Variants in TBC1D22A observed in about 807,000 individuals in gnomAD.
TBC1D22A encodes TBC1 domain family member 22A.
A neutral mutation model predicts 60.2 loss-of-function variants in TBC1D22A; 38 were observed. The ratio of observed to expected loss-of-function variants is 0.63; its 90% CI spans 0.49 to 0.83. The LOEUF is 0.83. Among genes scored for constraint, TBC1D22A ranks in the 40% least tolerant of loss-of-function variants. The pLI is 0.00. For missense variants in TBC1D22A, 628 were observed against 701.0 expected, an observed-to-expected ratio of 0.90 and a Z score of 1.18; for synonymous variants, 302 against 281.7, an observed-to-expected ratio of 1.07 and a Z score of -0.72.
At chr22:47,037,342 A>G in intron 11 of TBC1D22A, 144 bp downstream of exon 11, 1 of 1,248,952 alleles carries the variant, frequency 8.0e-7, no homozygotes, top group African/African-American at 1.5e-5. Context: ...TAAAAAGTAT[A>G]CTCCTGGCCG....
chr22:46,925,472 T>G (rs1199199467), intron 8 of TBC1D22A, among the ~76,000 whole-genome samples: 1 of 152,236 alleles, frequency 6.6e-6, no homozygotes, highest in Admixed American at 6.5e-5. Flanking sequence ...TTTTTCTAGT[T>G]AAAAACATTT....
intron 10 of TBC1D22A, among the ~76,000 whole-genome samples, chr22:47,030,132 A>G (rs1466354370): frequency 6.6e-6 from 1 of 152,276 alleles, no homozygotes; most frequent in East Asian, 1.9e-4. Flanking sequence ...TGTTCTTTTT[A>G]TCTTTTTAAC....
At chr22:47,124,550 C>G (rs1052873882) in intron 12 of TBC1D22A, among the ~76,000 whole-genome samples, 1 of 152,222 alleles carries the variant, frequency 6.6e-6, no homozygotes, top group East Asian at 1.9e-4. Context: ...TGCCTCTGTG[C>G]ACGTCATTTT....
intron 8 of TBC1D22A, among the ~76,000 whole-genome samples, chr22:46,965,348 C>T (rs136100): frequency 0.19 from 28,708 of 152,172 alleles, 2,912 homozygotes; most frequent in East Asian, 0.27. Context: ...GTCTTGTTGC[C>T]GACTCCCCTG....
At chr22:46,850,946 A>G (rs2087244500) in intron 4 of TBC1D22A, among the ~76,000 whole-genome samples, 2 of 152,332 alleles carry the variant, frequency 1.3e-5, no homozygotes, top group Admixed American at 1.3e-4. Flanking sequence ...TATGACTCCT[A>G]TTTATATGAA....
At chr22:46,821,295 T>C (rs1309216135) in intron 4 of TBC1D22A, among the ~76,000 whole-genome samples, 1 of 152,212 alleles carries the variant, frequency 6.6e-6, no homozygotes, top group African/African-American at 2.4e-5. Context: ...TATCTGGTTA[T>C]TTTGCACACT....
At chr22:46,904,950 ATTTT>A (rs1428000175) in intron 7 of TBC1D22A, among the ~76,000 whole-genome samples, 1 of 149,732 alleles carries the variant, frequency 6.7e-6, no homozygotes, top group Non-Finnish European at 1.5e-5. Context: ...AATTTTTTGT[ATTTT>A]TAGTAGAGAC....
At position 46,990,157 on chromosome 22, in the gene TBC1D22A, A is replaced by G. The variant is rs2074885090; in HGVS notation, c.1126-7477A>G. 6.6e-6 allele frequency among the ~76,000 whole-genome samples: 1 copy of G among 152,200 alleles called. No individual in the cohort carries two copies. Among genetic ancestry groups the G allele is most frequent in the South Asian group, 2.1e-4 (1 of 4,832 alleles). The stretch of plus-strand genomic sequence containing the variant: ...CTCTTATAGATAGTTTATTCTTGCA[A>G]CTTGCTTTCTTAACTTTTTAGTGTA... On this transcript the variant is annotated intron_variant, in intron 9 of 12. Coordinates refer to ENST00000337137, the MANE Select transcript of TBC1D22A (RefSeq NM_014346.5). The surrounding 1 kb of genome is among the most constrained non-coding windows in gnomAD (Gnocchi z 4.6).
intron 12 of TBC1D22A, among the ~76,000 whole-genome samples, chr22:47,132,012 C>T (rs1019757102): frequency 3.9e-5 from 6 of 152,206 alleles, no homozygotes; most frequent in South Asian, 2.1e-4. Flanking sequence ...TGGTCAAGTA[C>T]GGTAATGGTG....
intron 4 of TBC1D22A, among the ~76,000 whole-genome samples, chr22:46,854,017 G>A (rs746113897): frequency 1.8e-4 from 27 of 152,130 alleles, no homozygotes; most frequent in Non-Finnish European, 3.2e-4. Flanking sequence ...CGCTGTCTCC[G>A]AGTGTCCCCT....
chr22:47,098,172 T>C (rs1319890553), intron 11 of TBC1D22A, among the ~76,000 whole-genome samples: 2 of 152,232 alleles, frequency 1.3e-5, no homozygotes, highest in African/African-American at 4.8e-5. Flanking sequence ...ACGTGGGCTC[T>C]TCCGTGAAAT....
chr22:47,167,075 T>A (rs1321058233), intron 12 of TBC1D22A, among the ~76,000 whole-genome samples: 2 of 152,252 alleles, frequency 1.3e-5, no homozygotes, highest in African/African-American at 4.8e-5. Flanking sequence ...TTGAAAAGAT[T>A]AGAATTTATG....
chr22:46,919,018 A>G (rs1055739643), intron 8 of TBC1D22A, among the ~76,000 whole-genome samples: 6 of 152,192 alleles, frequency 3.9e-5, no homozygotes, highest in African/African-American at 1.2e-4. Context: ...TAGAAACCAT[A>G]ACGTTTACCC....
chr22:46,803,811 G>T (rs972069887), intron 4 of TBC1D22A, among the ~76,000 whole-genome samples: 1 of 152,216 alleles, frequency 6.6e-6, no homozygotes, highest in Non-Finnish European at 1.5e-5. Flanking sequence ...CCGGGGCAGA[G>T]GGAACAAACT....
intron 11 of TBC1D22A, among the ~76,000 whole-genome samples, chr22:47,082,019 G>T (rs1484070549): frequency 6.6e-6 from 1 of 152,130 alleles, no homozygotes; most frequent in Non-Finnish European, 1.5e-5. Context: ...TTAGCCAGGC[G>T]TGGTGACGCA....
At chr22:46,874,866 A>G (rs939440986) in intron 4 of TBC1D22A, among the ~76,000 whole-genome samples, 11 of 152,066 alleles carry the variant, frequency 7.2e-5, no homozygotes, top group Non-Finnish European at 1.2e-4. Flanking sequence ...GAGCCACTGC[A>G]CCTGGCCTTT....
intron 8 of TBC1D22A, among the ~76,000 whole-genome samples, chr22:46,921,049 G>T (rs897064143): frequency 6.6e-6 from 1 of 152,136 alleles, no homozygotes; most frequent in Non-Finnish European, 1.5e-5. Context: ...GGGATTACAG[G>T]CATGAGCCAC....
At chr22:47,153,559 C>T (rs907632561) in intron 12 of TBC1D22A, among the ~76,000 whole-genome samples, 3 of 151,846 alleles carry the variant, frequency 2.0e-5, no homozygotes, top group South Asian at 2.1e-4. Context: ...GGTAAGGAGG[C>T]GGCCATGCAG....
At chr22:47,171,583 C>G (rs1327780853) in intron 12 of TBC1D22A, among the ~76,000 whole-genome samples, 3 of 152,192 alleles carry the variant, frequency 2.0e-5, no homozygotes, top group Admixed American at 6.5e-5. Context: ...CTGAGAACCC[C>G]CACTGCAGGA....
Sources: allele counts gnomAD v4.1 joint callset (sites outside exome capture counted in the v4.1 genomes callset), GRCh38; gene constraint gnomAD v4.1.1; non-coding constraint Gnocchi (gnomAD v3.1); transcripts MANE v1.5; gene names NCBI Gene and HGNC (gene_info 2026-07-23, HGNC 2026-07-21).